The following MUSK variants were observed in gnomAD, a reference collection of about 807,000 sequenced individuals.
MUSK encodes muscle associated receptor tyrosine kinase.
A neutral mutation model predicts 88.7 loss-of-function variants in MUSK; 55 were observed. The ratio of observed to expected loss-of-function variants is 0.62; its 90% CI spans 0.50 to 0.78. The LOEUF (loss-of-function observed/expected upper bound fraction) is 0.78, where lower values mean the gene tolerates loss of function less well. Ranked by LOEUF, MUSK falls within the 30% of genes least tolerant of loss-of-function variation. The pLI is 0.00. For synonymous variants in MUSK, 387 were observed against 391.9 expected (o/e 0.99, Z 0.15); for missense variants, 1,015 against 1,074.3 (o/e 0.94, Z 0.77).
intron 12 of MUSK, among the ~76,000 whole-genome samples, chr9:110,785,281 C>A (rs2077835495): frequency 6.6e-6 from 1 of 152,196 alleles, no homozygotes; most frequent in African/African-American, 2.4e-5. Context: ...TATTCCTGCT[C>A]CTTGTCTTCT....
At chr9:110,791,207 A>C (rs1014900032) in intron 14 of MUSK, among the ~76,000 whole-genome samples, 3 of 149,362 alleles carry the variant, frequency 2.0e-5, no homozygotes, top group Non-Finnish European at 4.5e-5. Context: ...TACCGGGTTC[A>C]TCTCACTAGG....
chr9:110,682,980 T>C (rs1402913802), intron 2 of MUSK, among the ~76,000 whole-genome samples, 180 bp downstream of exon 2: 1 of 152,024 alleles, frequency 6.6e-6, no homozygotes, highest in Non-Finnish European at 1.5e-5. Context: ...TTACAAACAA[T>C]CCAATTACAC....
intron 1 of MUSK, among the ~76,000 whole-genome samples, chr9:110,673,400 A>G (rs963837787): frequency 2.6e-5 from 4 of 152,184 alleles, no homozygotes; most frequent in Admixed American, 6.5e-5. Context: ...TATTAATAGT[A>G]TCTACCTTTT....
At chr9:110,748,250 TCC>T (rs2077202827) in intron 7 of MUSK, among the ~76,000 whole-genome samples, 1 of 151,660 alleles carries the variant, frequency 6.6e-6, no homozygotes, top group South Asian at 2.1e-4. Flanking sequence ...CCTTTCCTTT[TCC>T]CCACTCCTCG....
At chr9:110,770,476 AATT>A (rs2077556794) in intron 9 of MUSK, among the ~76,000 whole-genome samples, 1 of 146,802 alleles carries the variant, frequency 6.8e-6, no homozygotes, top group Non-Finnish European at 1.5e-5. Flanking sequence ...ATTAATATAT[AATT>A]ATAATTATAG....
chr9:110,778,446 TTC>T (rs2077702380), intron 11 of MUSK, among the ~76,000 whole-genome samples: 2 of 152,138 alleles, frequency 1.3e-5, no homozygotes, highest in South Asian at 2.1e-4. Flanking sequence ...TTCTCTTGAA[TTC>T]TCTTTTTCCT....
At chr9:110,688,903 GT>G (rs946015008) in intron 3 of MUSK, among the ~76,000 whole-genome samples, 1 of 144,806 alleles carries the variant, frequency 6.9e-6, no homozygotes, top group African/African-American at 2.5e-5. Context: ...CTGTTTTATT[GT>G]TTTTTTGTTA....
chr9:110,704,629 CTTA>C (rs1335453677), intron 5 of MUSK, among the ~76,000 whole-genome samples: 1 of 152,034 alleles, frequency 6.6e-6, no homozygotes, highest in Non-Finnish European at 1.5e-5. Flanking sequence ...AACAGTATAT[CTTA>C]TTATTATATA....
rs145299123 is a variant in MUSK, at chr9:110,670,363, T to C, written c.79+1380T>C. On this transcript the variant is annotated intron_variant, in intron 1 of 14. Transcript: ENST00000374448. ...TTGAACGTATGGGTTGTCTTAAGTA[T>C]TATTTGTATATTTCTAAACCACGCA... Among the ~76,000 whole-genome samples, 240 of 152,324 alleles carry C rather than the reference T, an allele frequency of 1.6e-3. 2 individuals carry two copies. Among genetic ancestry groups the C allele is most frequent in the Non-Finnish European group, 1.8e-4 (12 of 68,026 alleles).
intron 7 of MUSK, among the ~76,000 whole-genome samples, chr9:110,756,807 C>T (rs2077330983): frequency 6.6e-6 from 1 of 151,964 alleles, no homozygotes; most frequent in Non-Finnish European, 1.5e-5. Context: ...GGTGATTGTG[C>T]CTTTTAGTAA....
intron 14 of MUSK, among the ~76,000 whole-genome samples, chr9:110,797,292 CAA>C (rs111652297): frequency 5.5e-5 from 8 of 146,358 alleles, no homozygotes; most frequent in South Asian, 2.2e-4. Context: ...AACAAACAAA[CAA>C]AAAAAAAGTT....
At chr9:110,691,037 G>C (rs1233789770) in intron 3 of MUSK, among the ~76,000 whole-genome samples, 1 of 151,198 alleles carries the variant, frequency 6.6e-6, no homozygotes, top group Non-Finnish European at 1.5e-5. Context: ...GCTAATTTTT[G>C]TATTTTTGGT....
In MUSK at chr9:110,787,907, G is replaced by C. The variant is rs2077903290; in HGVS notation, c.1927+69G>C. The C allele has an allele frequency of 2.6e-6, 4 of 1,528,278 alleles. No individual in the cohort carries two copies. The African/African-American group carries it at 5.5e-5, about 21-fold the overall frequency. 94.7% of individuals were successfully genotyped at this position (1,528,278 alleles called of 1,614,324 possible). A position where few individuals can be genotyped will look rare whatever the true frequency, so the allele number is the denominator to read the frequency against. ...AGGCTTTCCAAGTTTTTCTCCCCTT[G>C]TTCGTGCTTTTTCCTTTTCTCCTTG... is the stretch of plus-strand genomic sequence containing the variant. On this transcript the variant is annotated intron_variant, in intron 14 of 14. Transcript: ENST00000374448.
intron 5 of MUSK, among the ~76,000 whole-genome samples, chr9:110,730,517 A>T (rs1160546840): frequency 6.6e-6 from 1 of 152,104 alleles, no homozygotes; most frequent in Non-Finnish European, 1.5e-5. Context: ...CATGTCATAT[A>T]ACTTTTTAAA....
chr9:110,755,951 C>CATATATATA (rs1564268679), intron 7 of MUSK, among the ~76,000 whole-genome samples: 16 of 101,792 alleles, frequency 1.6e-4, no homozygotes, highest in Non-Finnish European at 3.1e-4. Context: ...TATATATATA[C>CATATATATA]ACATATATAT....
In MUSK at chr9:110,689,689, ATAGT is replaced by A. The variant is rs1470060418; in HGVS notation, c.358+2424_358+2427del. Among the ~76,000 whole-genome samples the A allele has an allele frequency of 2.3e-3, 151 of 64,480 alleles. 2 individuals are homozygous for A. The highest frequency in any genetic ancestry group is 3.2e-3 in the Non-Finnish European group (126 of 39,304). 42.3% of individuals were successfully genotyped at this position (64,480 alleles called of 152,430 possible). ...CATAGTATATTATATATAACTATAT[ATAGT>A]TATATATAAATATATAACTATATAT... On this transcript the variant is annotated intron_variant, in intron 3 of 14. Transcript: ENST00000374448.
intron 6 of MUSK, among the ~76,000 whole-genome samples, chr9:110,740,021 A>G (rs564826015): frequency 1.3e-5 from 2 of 152,272 alleles, no homozygotes; most frequent in East Asian, 3.9e-4. Context: ...TAATATCCAC[A>G]TCATCCCAAA....
chr9:110,732,450 A>T (rs1453069108), intron 5 of MUSK, among the ~76,000 whole-genome samples: 1 of 152,194 alleles, frequency 6.6e-6, no homozygotes, highest in East Asian at 1.9e-4. Context: ...TTGGGAGAAT[A>T]AGAATCCAAG....
intron 2 of MUSK, among the ~76,000 whole-genome samples, chr9:110,683,851 T>C (rs1465605612): frequency 6.6e-6 from 1 of 152,182 alleles, no homozygotes; most frequent in East Asian, 1.9e-4. Context: ...TATAGAGTTG[T>C]TTGAGCTCCA....
Sources: gnomAD v4.1 joint callset for allele counts (sites outside exome capture counted in the v4.1 genomes callset) on GRCh38, gnomAD v4.1.1 for gene constraint, MANE v1.5 for transcripts, NCBI Gene and HGNC (gene_info 2026-07-23, HGNC 2026-07-21) for gene names.